RIMBP2: variants seen among roughly 807,000 people sequenced by gnomAD.
RIMBP2 encodes RIMS-binding protein 2.
RIMBP2 carries 48 observed loss-of-function variants against 118.6 expected under a neutral mutation model. The ratio of observed to expected loss-of-function variants is 0.40; its 90% confidence interval spans 0.32 to 0.51. The LOEUF is 0.51. Ranked by LOEUF, RIMBP2 falls within the 20% of genes least tolerant of loss-of-function variation. The probability of loss-of-function intolerance (pLI) is 0.41; values close to 1 mark genes in which losing one functional copy is unlikely to be tolerated. For synonymous variants in RIMBP2, 762 were observed against 742.9 expected (o/e 1.03, Z -0.42); for missense variants, 1,551 against 1,768.3 (o/e 0.88, Z 2.20).
rs556906213 is a variant in RIMBP2 at position 130,580,381 on chromosome 12, T to C, written c.-217+47941A>G. On this transcript the variant is annotated intron_variant, in intron 2 of 22. Transcript: ENST00000690449. ...GAATAAGTCTCATGAGGTCTCATGG[T>C]TTTATGAAAGGGCAGTTCCCCTGCA... is the stretch of plus-strand genomic sequence containing the variant. 2.2e-4 allele frequency among the ~76,000 whole-genome samples: 34 copies of C among 152,050 alleles called. No individual in the cohort carries two copies. The South Asian group carries it at 3.5e-3, about 16-fold the overall frequency.
chr12:130,560,078 C>A (rs2056694523), intron 2 of RIMBP2, among the ~76,000 whole-genome samples: 1 of 152,128 alleles, frequency 6.6e-6, no homozygotes, highest in Non-Finnish European at 1.5e-5. Context: ...CAACACACGG[C>A]CAAAGTCCAG....
In RIMBP2 at chr12:130,424,293, G is replaced by A. The variant is rs549465562; in HGVS notation, c.2978C>T (p.Pro993Leu). The change falls in exon 16 of 23, where the codon CCG becomes CTG. Residue 993 changes from proline (P) to leucine (L), a missense_variant. By Grantham distance (98) the Pro-to-Leu change is moderately conservative. This residue lies in a region of RIMBP2 where 1,038 missense variants were observed against 1,125.1 expected (regional missense o/e 0.92). Coordinates refer to ENST00000690449, the MANE Select transcript of RIMBP2 (RefSeq NM_001393629.1). The surrounding 1 kb of genome is among the most constrained non-coding windows in gnomAD (Gnocchi z 9.8). ...LLRNDDPQPG[P>L]ERPPPRKHGW... ...GTGCTTCCTGGGGGGCGGCCTCTCCGGGCCGGGCTGGGGGTCGTCGTTCCT... is the reference window on the plus strand; with the variant it reads ...GTGCTTCCTGGGGGGCGGCCTCTCCAGGCCGGGCTGGGGGTCGTCGTTCCT... The A allele has an allele frequency of 9.0e-5, 111 of 1,231,582 alleles. No individual in the cohort carries two copies. In the South Asian group the frequency reaches 2.1e-3, roughly 23 times the overall value. The allele number at this position is 1,231,582 out of a possible 1,614,324, so 76.3% of individuals were successfully genotyped here. A position where few individuals can be genotyped will look rare whatever the true frequency, so the allele number is the denominator to read the frequency against.
chr12:130,543,323 C>T (rs951278121), intron 2 of RIMBP2, among the ~76,000 whole-genome samples: 1 of 152,154 alleles, frequency 6.6e-6, no homozygotes, highest in Non-Finnish European at 1.5e-5. Flanking sequence ...CCATGTGCCC[C>T]CAAATATGGC....
At position 130,475,353 on chromosome 12, in the gene RIMBP2, C is replaced by A. The variant is rs2081341784; in HGVS notation, c.102+3559G>T. On this transcript the variant is annotated intron_variant, in intron 5 of 22. Transcript: ENST00000690449. This position sits in a 1 kb window ranked among gnomAD's most constrained non-coding sequence, Gnocchi z 4.1. Reference sequence around the variant, plus strand: ...CCCCTGATATTAGACGCCTGAATGTCCAGCACCCTCTCAAGGGTGGTCAGG... The same window carrying A: ...CCCCTGATATTAGACGCCTGAATGTACAGCACCCTCTCAAGGGTGGTCAGG... 6.6e-6 allele frequency among the ~76,000 whole-genome samples: 1 copy of A among 152,178 alleles called. No homozygotes were observed. Among genetic ancestry groups the A allele is most frequent in the Non-Finnish European group, 1.5e-5 (1 of 68,050 alleles).
chr12:130,517,456 C>G (rs11060965), intron 3 of RIMBP2, among the ~76,000 whole-genome samples: 2 of 152,004 alleles, frequency 1.3e-5, no homozygotes, highest in Non-Finnish European at 2.9e-5. Flanking sequence ...GAGTTAGATT[C>G]GGATGAAGAA....
At chr12:130,660,020 C>T (rs4759506) in intron 1 of RIMBP2, 76,833 of 148,020 alleles carry the variant, frequency 0.52, 20,977 homozygotes, top group Non-Finnish European at 0.62. Context: ...ATTCTCTTTT[C>T]TTTTCCCGCA....
intron 4 of RIMBP2, among the ~76,000 whole-genome samples, chr12:130,500,997 T>G (rs1161893667): frequency 6.6e-6 from 1 of 152,110 alleles, no homozygotes; most frequent in Admixed American, 6.6e-5. Flanking sequence ...CACCCGAGCA[T>G]CCAGGGGTCA....
intron 5 of RIMBP2, among the ~76,000 whole-genome samples, chr12:130,474,308 G>T (rs924384017): frequency 1.3e-5 from 2 of 152,230 alleles, no homozygotes; most frequent in Non-Finnish European, 2.9e-5. Context: ...GAATGTTAAT[G>T]AGAATTTATC....
intron 9 of RIMBP2, among the ~76,000 whole-genome samples, 191 bp from the exon 10 acceptor site, chr12:130,445,460 G>C (rs1479892444): frequency 6.6e-6 from 1 of 152,116 alleles, no homozygotes; most frequent in Non-Finnish European, 1.5e-5. Context: ...CACACACACA[G>C]ATTTAAAGTA....
intron 1 of RIMBP2, among the ~76,000 whole-genome samples, chr12:130,700,169 G>A (rs1201539272): frequency 6.6e-6 from 1 of 152,110 alleles, no homozygotes; most frequent in African/African-American, 2.4e-5. Context: ...TCCAGTTGGT[G>A]TGGTTTTTAG....
intron 1 of RIMBP2, among the ~76,000 whole-genome samples, chr12:130,696,829 A>G (rs974509607): frequency 9.9e-5 from 15 of 152,212 alleles, no homozygotes; most frequent in African/African-American, 3.6e-4. Context: ...CAGTTTGGGA[A>G]GCACTGTATC....
At chr12:130,568,732 C>A (rs2057415009) in intron 2 of RIMBP2, among the ~76,000 whole-genome samples, 1 of 152,200 alleles carries the variant, frequency 6.6e-6, no homozygotes, top group Non-Finnish European at 1.5e-5. Flanking sequence ...CCCAATCCCA[C>A]AGTCATGTTT....
At chr12:130,625,069 T>C (rs1384094836) in intron 2 of RIMBP2, among the ~76,000 whole-genome samples, 1 of 152,214 alleles carries the variant, frequency 6.6e-6, no homozygotes, top group Admixed American at 6.5e-5. Flanking sequence ...GGACATATTA[T>C]TGGGGTACAC....
chr12:130,494,383 A>T (rs1350834762), intron 4 of RIMBP2, among the ~76,000 whole-genome samples: 8 of 152,166 alleles, frequency 5.3e-5, no homozygotes, highest in Non-Finnish European at 1.0e-4. Context: ...TCATACCTGT[A>T]ATCCCAGCAC....
intron 1 of RIMBP2, among the ~76,000 whole-genome samples, chr12:130,699,904 TAAAAAAAAAAA>T (rs33963621): frequency 0.064 from 5,477 of 85,750 alleles, 221 homozygotes; most frequent in East Asian, 0.15. Flanking sequence ...GACTCTGTCT[TAAAAAAAAAAA>T]AAAAAAAAAA....
At chr12:130,502,721 G>A (rs55861941) in intron 4 of RIMBP2, among the ~76,000 whole-genome samples, 5,050 of 152,104 alleles carry the variant, frequency 0.033, 169 homozygotes, top group African/African-American at 0.086. Flanking sequence ...TTTCTTCATC[G>A]GGCAGTTGAA....
intron 21 of RIMBP2, among the ~76,000 whole-genome samples, chr12:130,400,552 G>T (rs2074431966): frequency 6.6e-6 from 1 of 152,230 alleles, no homozygotes; most frequent in Admixed American, 6.5e-5. Context: ...TGCCCATAAA[G>T]TGCCTAAACC....
intron 2 of RIMBP2, among the ~76,000 whole-genome samples, chr12:130,585,131 C>A (rs1439293445): frequency 6.6e-6 from 1 of 152,132 alleles, no homozygotes; most frequent in Non-Finnish European, 1.5e-5. Context: ...CTCAAGTGAT[C>A]CTCTTGACTT....
intron 2 of RIMBP2, among the ~76,000 whole-genome samples, chr12:130,608,101 T>C (rs1258400624): frequency 1.3e-5 from 2 of 152,210 alleles, no homozygotes; most frequent in Non-Finnish European, 2.9e-5. Flanking sequence ...CCAGTCAACC[T>C]TCCATGTCTG....
Sources: gnomAD v4.1 joint callset for allele counts (sites outside exome capture counted in the v4.1 genomes callset) on GRCh38, gnomAD v4.1.1 for gene constraint, gnomAD v4.1.1 regional missense constraint, Gnocchi (gnomAD v3.1) non-coding constraint, MANE v1.5 for transcripts, NCBI Gene and HGNC (gene_info 2026-07-23, HGNC 2026-07-21) for gene names.